The following SH3RF2 variants were observed in gnomAD, a reference collection of about 807,000 sequenced individuals.
The protein encoded by SH3RF2 is E3 ubiquitin-protein ligase SH3RF2.
Under a neutral mutation model 59.0 loss-of-function variants are expected in SH3RF2, and 43 were observed. The observed-to-expected ratio is 0.73, with a 90% confidence interval of 0.57 to 0.94. The LOEUF (loss-of-function observed/expected upper bound fraction) is 0.94, where lower values mean the gene tolerates loss of function less well. Among genes scored for constraint, SH3RF2 ranks in the 40% least tolerant of loss-of-function variants. SH3RF2 has a pLI of 0.00. For synonymous variants in SH3RF2, 391 were observed against 391.5 expected (o/e 1.00, Z 0.01); for missense variants, 930 against 940.1 (o/e 0.99, Z 0.14).
chr5:146,050,262 A>C (rs1762449501), intron 7 of SH3RF2: 1 of 152,224 alleles, frequency 6.6e-6, no homozygotes, highest in Non-Finnish European at 1.5e-5. Flanking sequence ...GAGAGGGGGC[A>C]GTGGAGTGGA....
intron 5 of SH3RF2, among the ~76,000 whole-genome samples, chr5:146,041,629 C>T (rs929630779): frequency 3.9e-5 from 6 of 152,140 alleles, no homozygotes; most frequent in Admixed American, 6.5e-5. Context: ...ACCTAATTTT[C>T]TATCTCTAAA....
chr5:145,939,051 T>C (rs1460978099), intron 2 of SH3RF2, among the ~76,000 whole-genome samples: 1 of 152,222 alleles, frequency 6.6e-6, no homozygotes, highest in Non-Finnish European at 1.5e-5. Context: ...GTTTGGATAA[T>C]GGGAATCGCT....
At chr5:145,993,956 C>A (rs1760050872) in intron 2 of SH3RF2, among the ~76,000 whole-genome samples, 1 of 152,242 alleles carries the variant, frequency 6.6e-6, no homozygotes, top group African/African-American at 2.4e-5. Context: ...ATTTTCCCAA[C>A]TTTTATGCTT....
downstream of SH3RF2, chr5:146,063,329 G>A (rs1376253899): frequency 1.3e-5 from 2 of 152,420 alleles, no homozygotes; most frequent in Non-Finnish European, 2.9e-5. Flanking sequence ...AGGTCAGAGA[G>A]ATCACTGAGT....
downstream of SH3RF2, among the ~76,000 whole-genome samples, chr5:146,064,776 AAAGG>A (rs1308778177): frequency 0.018 from 443 of 24,726 alleles, 24 homozygotes; most frequent in Middle Eastern, 0.048. Context: ...GGAAGGAAGG[AAAGG>A]AAGGAAGGAA....
At chr5:145,962,279 G>A (rs1185529951) in intron 2 of SH3RF2, among the ~76,000 whole-genome samples, 1 of 152,200 alleles carries the variant, frequency 6.6e-6, no homozygotes, top group Non-Finnish European at 1.5e-5. Context: ...GTAAAGGAGA[G>A]ATGGCTCACA....
intron 2 of SH3RF2, among the ~76,000 whole-genome samples, chr5:145,986,930 A>G (rs1759730378): frequency 6.6e-6 from 1 of 152,160 alleles, no homozygotes; most frequent in Non-Finnish European, 1.5e-5. Flanking sequence ...CCTGGAACTG[A>G]TGAAGGAGGG....
At position 146,056,088 on chromosome 5, in the gene SH3RF2, G is replaced by A. The variant is rs35165046; in HGVS notation, c.1430G>A (p.Arg477Gln). The A allele has an allele frequency of 8.1e-4, 1,306 of 1,614,202 alleles. 15 individuals are homozygous for A. In the African/African-American group the frequency reaches 0.015, roughly 19 times the overall value. The stretch of plus-strand genomic sequence containing the variant: ...GGCAGCATTTCAGAAGGTGATCCAC[G>A]GCAAAGCCGTCCCTTCAAATCCGTC... ...SQGSISEGDP[R>Q]QSRPFKSVFV... is the part of the protein sequence containing the mutation. Residue 477 changes from arginine (R) to glutamine (Q), a missense_variant, in exon 8 of 10, where the codon CGG (arginine) becomes CAG (glutamine). Coordinates refer to ENST00000359120, the MANE Select transcript of SH3RF2 (RefSeq NM_152550.4).
At chr5:145,948,832 G>A (rs1217757322) in intron 2 of SH3RF2, among the ~76,000 whole-genome samples, 1 of 152,190 alleles carries the variant, frequency 6.6e-6, no homozygotes, top group Non-Finnish European at 1.5e-5. Context: ...GCATGTAACA[G>A]ACTGTACAGT....
intron 2 of SH3RF2, chr5:145,997,831 T>G: frequency 2.2e-3 from 2,703 of 1,224,934 alleles, no homozygotes; most frequent in Non-Finnish European, 3.0e-3. Context: ...GAAATAGAAG[T>G]ACCTGCAAAA....
At position 145,960,407 on chromosome 5, in the gene SH3RF2, G is replaced by A. The variant is rs568261265; in HGVS notation, c.378+22101G>A. 5.9e-5 allele frequency among the ~76,000 whole-genome samples: 9 copies of A among 152,240 alleles called. No individual in the cohort carries two copies. In the South Asian group the frequency reaches 6.2e-4, roughly 11 times the overall value. ...ACCAGCCCAGAAAAGAAGCTCTACC[G>A]GCCTAGAAAAGAAGGAAAGTTTCTT... On this transcript the variant is annotated intron_variant, in intron 2 of 9. Coordinates refer to ENST00000359120, the MANE Select transcript of SH3RF2 (RefSeq NM_152550.4).
At chr5:146,020,047 C>G (rs367700915) in intron 5 of SH3RF2, among the ~76,000 whole-genome samples, 2 of 152,078 alleles carry the variant, frequency 1.3e-5, no homozygotes, top group Non-Finnish European at 2.9e-5. Context: ...CATCAGCAAA[C>G]AGAGATGGTT....
downstream of SH3RF2, among the ~76,000 whole-genome samples, chr5:146,065,223 G>A (rs144333858): frequency 9.5e-3 from 1,445 of 152,186 alleles, 33 homozygotes; most frequent in African/African-American, 0.033. Context: ...GACCCATTAG[G>A]TCCACAAAAT....
At chr5:146,074,182 G>GGCGCCCAACACC (rs1192490132) in intron 9 of SH3RF2, among the ~76,000 whole-genome samples, 2 of 152,008 alleles carry the variant, frequency 1.3e-5, no homozygotes, top group African/African-American at 4.8e-5. Flanking sequence ...TGGGACTACA[G>GGCGCCCAACACC]GCGCCCAACA....
intron 5 of SH3RF2, among the ~76,000 whole-genome samples, chr5:146,030,728 C>T (rs11738329): frequency 0.33 from 44,737 of 136,168 alleles, 7,836 homozygotes; most frequent in Admixed American, 0.41. Flanking sequence ...TTAAGAATGG[C>T]TTTTACAGAT....
chr5:146,003,101 T>C (rs1449863215), intron 3 of SH3RF2, among the ~76,000 whole-genome samples: 1 of 152,180 alleles, frequency 6.6e-6, no homozygotes, highest in Non-Finnish European at 1.5e-5. Context: ...TGGATGAATA[T>C]ACAGGTTGAA....
At chr5:146,007,445 T>C (rs1160791) in intron 4 of SH3RF2, among the ~76,000 whole-genome samples, 107,572 of 152,012 alleles carry the variant, frequency 0.71, 39,752 homozygotes, top group African/African-American at 0.93. Flanking sequence ...TGGGTAGGAG[T>C]GGAAGTTAGG....
At chr5:146,073,167 C>T (rs555250598) in intron 9 of SH3RF2, among the ~76,000 whole-genome samples, 2 of 152,322 alleles carry the variant, frequency 1.3e-5, no homozygotes, top group East Asian at 1.9e-4. Context: ...AGCTGGTCAA[C>T]GGTGCCAGGG....
intron 2 of SH3RF2, among the ~76,000 whole-genome samples, chr5:145,998,507 A>G (rs1760260830): frequency 6.7e-6 from 1 of 149,256 alleles, no homozygotes; most frequent in South Asian, 2.2e-4. Context: ...GGGAAAAAAA[A>G]GTATTATGCA....
Sources: gnomAD v4.1 joint callset for allele counts (sites outside exome capture counted in the v4.1 genomes callset) on GRCh38, gnomAD v4.1.1 for gene constraint, MANE v1.5 for transcripts, NCBI Gene and HGNC (gene_info 2026-07-23, HGNC 2026-07-21) for gene names.